Variants in SYN3 observed in about 807,000 individuals in gnomAD.
The protein encoded by SYN3 is synapsin III.
In SYN3, 35 loss-of-function variants were observed where a neutral mutation model predicts 65.8. The ratio of observed to expected loss-of-function variants is 0.53; its 90% CI spans 0.41 to 0.70. The LOEUF (loss-of-function observed/expected upper bound fraction) is 0.70, where lower values mean the gene tolerates loss of function less well. Among genes scored for constraint, SYN3 ranks in the 30% least tolerant of loss-of-function variants. SYN3 has a pLI of 0.00. For synonymous variants in SYN3, 270 were observed against 292.9 expected (o/e 0.92, Z 0.80); for missense variants, 680 against 749.0 (o/e 0.91, Z 1.08).
chr22:32,734,221 A>G (rs900087682), intron 6 of SYN3, among the ~76,000 whole-genome samples: 2 of 152,208 alleles, frequency 1.3e-5, no homozygotes, highest in Non-Finnish European at 2.9e-5. Context: ...AGCCCTGATT[A>G]GGCTGGTTAA....
intron 6 of SYN3, among the ~76,000 whole-genome samples, chr22:32,788,856 C>T (rs1394190339): frequency 6.6e-6 from 1 of 152,190 alleles, no homozygotes; most frequent in Non-Finnish European, 1.5e-5. Context: ...CCTGTGCCTA[C>T]CTTCATTCTA....
intron 6 of SYN3, among the ~76,000 whole-genome samples, chr22:32,854,238 G>T (rs1601546925): frequency 6.6e-6 from 1 of 152,152 alleles, no homozygotes; most frequent in Non-Finnish European, 1.5e-5. Flanking sequence ...CGCTATGTTT[G>T]TCAGAGCCAG....
chr22:32,664,586 T>C (rs1354693937), intron 6 of SYN3, among the ~76,000 whole-genome samples: 4 of 66,786 alleles, frequency 6.0e-5, no homozygotes, highest in Non-Finnish European at 1.2e-4. Context: ...ATTGGTCGCT[T>C]TTTTTTTTTT....
At chr22:32,674,849 G>T (rs920980399) in intron 6 of SYN3, among the ~76,000 whole-genome samples, 1 of 152,176 alleles carries the variant, frequency 6.6e-6, no homozygotes, top group African/African-American at 2.4e-5. Flanking sequence ...ACGTTAACGT[G>T]TACCAGACAC....
chr22:32,954,925 A>G (rs2051401758), intron 3 of SYN3, among the ~76,000 whole-genome samples: 1 of 151,542 alleles, frequency 6.6e-6, no homozygotes, highest in Non-Finnish European at 1.5e-5. Flanking sequence ...TAAGAAATTC[A>G]AATGCTTTTT....
intron 1 of SYN3, among the ~76,000 whole-genome samples, chr22:33,027,552 A>T (rs978991924): frequency 6.6e-6 from 1 of 151,914 alleles, no homozygotes; most frequent in East Asian, 1.9e-4. Context: ...AGCCGAGATT[A>T]CACCACTGCA....
At chr22:33,040,260 A>T (rs2053939674) in intron 1 of SYN3, among the ~76,000 whole-genome samples, 1 of 152,032 alleles carries the variant, frequency 6.6e-6, no homozygotes, top group South Asian at 2.1e-4. Flanking sequence ...CTGATTATAC[A>T]CTTTTTAAGG....
chr22:33,022,722 C>G (rs1363037654), intron 1 of SYN3, among the ~76,000 whole-genome samples: 2 of 152,076 alleles, frequency 1.3e-5, no homozygotes, highest in African/African-American at 4.8e-5. Flanking sequence ...AGGGTCTCCT[C>G]GAAGTCAAGA....
intron 6 of SYN3, among the ~76,000 whole-genome samples, chr22:32,749,371 G>A (rs948053568): frequency 2.6e-4 from 36 of 136,446 alleles, no homozygotes; most frequent in Middle Eastern, 4.8e-3. Context: ...GCCGTGCTCA[G>A]TGGCTCACAC....
At chr22:32,978,713 ATT>A (rs2052282102) in intron 3 of SYN3, among the ~76,000 whole-genome samples, 1 of 152,184 alleles carries the variant, frequency 6.6e-6, no homozygotes, top group African/African-American at 2.4e-5. Flanking sequence ...GCTTCACTGC[ATT>A]CTTACTAGCT....
At chr22:32,944,235 A>G (rs537262817) in intron 3 of SYN3, among the ~76,000 whole-genome samples, 1 of 152,198 alleles carries the variant, frequency 6.6e-6, no homozygotes, top group Non-Finnish European at 1.5e-5. Context: ...AACAGAAATT[A>G]TAACAAACTG....
intron 6 of SYN3, among the ~76,000 whole-genome samples, chr22:32,792,820 C>A (rs1318365712): frequency 6.6e-6 from 1 of 152,172 alleles, no homozygotes; most frequent in Non-Finnish European, 1.5e-5. Flanking sequence ...AAGAGAAAAT[C>A]ACCAGTGCTG....
chr22:32,890,712 C>T (rs2049421873), intron 4 of SYN3, among the ~76,000 whole-genome samples: 4 of 152,072 alleles, frequency 2.6e-5, no homozygotes, highest in African/African-American at 2.4e-5. Flanking sequence ...TTTTTTCACA[C>T]GCCACTTCTT....
chr22:33,020,870 G>A (rs1294184890), intron 1 of SYN3, among the ~76,000 whole-genome samples: 1 of 152,098 alleles, frequency 6.6e-6, no homozygotes, highest in African/African-American at 2.4e-5. Flanking sequence ...CACCTACAAA[G>A]CCTCGAGAAA....
At chr22:32,821,022 G>A (rs2047231970) in intron 6 of SYN3, among the ~76,000 whole-genome samples, 1 of 152,068 alleles carries the variant, frequency 6.6e-6, no homozygotes, top group Non-Finnish European at 1.5e-5. Context: ...CTTTCAATAT[G>A]ATCTCATCCC....
At chr22:32,964,222 T>C (rs187252499) in intron 3 of SYN3, among the ~76,000 whole-genome samples, 28 of 138,340 alleles carry the variant, frequency 2.0e-4, no homozygotes, top group Non-Finnish European at 3.2e-4. Context: ...TAGGTGGGAA[T>C]TGAACAATGA....
intron 4 of SYN3, among the ~76,000 whole-genome samples, chr22:32,894,586 C>G (rs983232641): frequency 6.6e-6 from 1 of 152,216 alleles, no homozygotes; most frequent in African/African-American, 2.4e-5. Context: ...CCCCGTCATC[C>G]TGACCTGACA....
intron 1 of SYN3, among the ~76,000 whole-genome samples, chr22:33,053,144 C>T (rs780784424): frequency 5.7e-4 from 87 of 152,272 alleles, no homozygotes; most frequent in Middle Eastern, 3.4e-3. Flanking sequence ...CTGAGTCGGC[C>T]GGGCGCAGTG....
At position 32,859,588 on chromosome 22, in the gene SYN3, T is replaced by C. The variant is rs2048479164; in HGVS notation, c.711+5327A>G. ...CTGCCCCTTCTTTTTGGTTTTGACA[T>C]CATTCATTTCCACCTGGGAATTTCT... On this transcript the variant is annotated intron_variant, in intron 6 of 13. Coordinates refer to ENST00000358763, the MANE Select transcript of SYN3 (RefSeq NM_003490.4). 6.6e-6 allele frequency: 4 copies of C among 605,364 alleles called. 1 individual carries two copies. In the Admixed American group the frequency reaches 1.0e-4, roughly 15 times the overall value. The allele number at this position is 605,364 out of a possible 1,614,324, so 37.5% of individuals were successfully genotyped here.
Sources: allele counts gnomAD v4.1 joint callset (sites outside exome capture counted in the v4.1 genomes callset), GRCh38; gene constraint gnomAD v4.1.1; transcripts MANE v1.5; gene names NCBI Gene and HGNC (gene_info 2026-07-23, HGNC 2026-07-21).